The following PARN variants were observed in gnomAD, a reference collection of about 807,000 sequenced individuals.
The protein encoded by PARN is poly(A)-specific ribonuclease PARN.
A neutral mutation model predicts 102.8 loss-of-function variants in PARN; 71 were observed. That is an observed-to-expected ratio of 0.69 (90% CI 0.57 to 0.84). The LOEUF (loss-of-function observed/expected upper bound fraction) is 0.84, where lower values mean the gene tolerates loss of function less well. Ranked by LOEUF, PARN falls within the 40% of genes least tolerant of loss-of-function variation. The probability of loss-of-function intolerance (pLI) is 0.00; values close to 1 mark genes in which losing one functional copy is unlikely to be tolerated. For missense variants in PARN, 782 were observed against 760.9 expected (o/e 1.03, Z -0.33); for synonymous variants, 261 against 252.9 (o/e 1.03, Z -0.30).
chr16:14,472,796 G>A (rs1213137410), intron 22 of PARN, among the ~76,000 whole-genome samples: 2 of 152,110 alleles, frequency 1.3e-5, no homozygotes, highest in Non-Finnish European at 2.9e-5. Flanking sequence ...CACAAAAACC[G>A]CTGGGATGGC....
At chr16:14,629,016 A>T (rs1972856183) in intron 2 of PARN, among the ~76,000 whole-genome samples, 1 of 152,218 alleles carries the variant, frequency 6.6e-6, no homozygotes, top group African/African-American at 2.4e-5. Context: ...ATCTGCAAAA[A>T]CCTGACCCTA....
intron 21 of PARN, among the ~76,000 whole-genome samples, chr16:14,518,913 T>G (rs1334185756): frequency 1.3e-5 from 2 of 152,070 alleles, no homozygotes; most frequent in African/African-American, 4.8e-5. Flanking sequence ...ACAGGGAATG[T>G]TCCAGAAGCT....
chr16:14,454,908 T>C (rs1961612642), intron 22 of PARN, among the ~76,000 whole-genome samples: 1 of 152,198 alleles, frequency 6.6e-6, no homozygotes, highest in Non-Finnish European at 1.5e-5. Context: ...AAGTAAGATA[T>C]AATAATATAT....
At chr16:14,541,436 G>C (rs148669114) in intron 21 of PARN, among the ~76,000 whole-genome samples, 1 of 152,222 alleles carries the variant, frequency 6.6e-6, no homozygotes, top group African/African-American at 2.4e-5. Context: ...TGTAGTTTGA[G>C]TCTAACAAAG....
At chr16:14,618,095 G>A (rs757121502) in intron 5 of PARN, among the ~76,000 whole-genome samples, 1 of 152,148 alleles carries the variant, frequency 6.6e-6, no homozygotes. Context: ...GCAGAGGTGG[G>A]CACATCACTT....
chr16:14,567,436 TCATACCACTGTCCA>T (rs1261574786), intron 18 of PARN, among the ~76,000 whole-genome samples: 1 of 152,162 alleles, frequency 6.6e-6, no homozygotes, highest in Non-Finnish European at 1.5e-5. Flanking sequence ...ATATCAACAA[TCATACCACTGTCCA>T]CATGCAGCCA....
intron 22 of PARN, among the ~76,000 whole-genome samples, chr16:14,472,062 C>T (rs1312898348): frequency 1.3e-5 from 2 of 152,178 alleles, no homozygotes; most frequent in Non-Finnish European, 2.9e-5. Context: ...ACCTACTGGT[C>T]CAAGAGATGT....
At chr16:14,575,747 C>T (rs887263493) in intron 18 of PARN, among the ~76,000 whole-genome samples, 1 of 152,114 alleles carries the variant, frequency 6.6e-6, no homozygotes, top group African/African-American at 2.4e-5. Context: ...GTTTTGAATT[C>T]TGAGGACATG....
At chr16:14,480,291 G>C (rs75959130) in intron 22 of PARN, among the ~76,000 whole-genome samples, 321 of 152,260 alleles carry the variant, frequency 2.1e-3, no homozygotes, top group African/African-American at 6.8e-3. Flanking sequence ...TTGCACCACT[G>C]TACTCCAGCC....
At position 14,435,921 on chromosome 16, in the gene PARN, C is replaced by G. The variant is rs1303321727; in HGVS notation, c.*796G>C. On this transcript the variant is annotated 3_prime_UTR_variant, in exon 24 of 24. Transcript: ENST00000437198. Reference sequence around the variant, plus strand: ...TCACACACACACACACACACACACACACACACACACACACACACACACAGA... The same window carrying G: ...TCACACACACACACACACACACACAGACACACACACACACACACACACAGA... 3 of 152,114 alleles carry G rather than the reference C, an allele frequency of 2.0e-5. No homozygotes were observed. Among genetic ancestry groups the G allele is most frequent in the African/African-American group, 7.3e-5 (3 of 41,110 alleles). 9.4% of individuals were successfully genotyped at this position (152,114 alleles called of 1,614,324 possible).
At chr16:14,593,748 C>T (rs1222442517) in intron 12 of PARN, among the ~76,000 whole-genome samples, 2 of 151,972 alleles carry the variant, frequency 1.3e-5, no homozygotes, top group African/African-American at 2.4e-5. Flanking sequence ...TGTTATCCTA[C>T]CACTTTGGGA....
At chr16:14,602,472 G>C (rs1970931295) in intron 11 of PARN, among the ~76,000 whole-genome samples, 1 of 152,060 alleles carries the variant, frequency 6.6e-6, no homozygotes, top group Admixed American at 6.6e-5. Flanking sequence ...ATCCACCCTT[G>C]CATGTCCTAA....
intron 23 of PARN, among the ~76,000 whole-genome samples, chr16:14,438,689 C>A (rs1289360827): frequency 2.6e-5 from 4 of 152,170 alleles, no homozygotes; most frequent in African/African-American, 9.7e-5. Context: ...TTAATGAACG[C>A]TAGGTCTCTT....
In PARN at chr16:14,531,125, C is replaced by A. The variant is rs138975607; in HGVS notation, c.1480+20896G>T. 7.1e-4 allele frequency among the ~76,000 whole-genome samples: 108 copies of A among 152,242 alleles called. 1 individual carries two copies. The highest frequency in any genetic ancestry group is 6.0e-3 in the Admixed American group (92 of 15,298). On this transcript the variant is annotated intron_variant, in intron 21 of 23. Coordinates refer to ENST00000437198, the MANE Select transcript of PARN (RefSeq NM_002582.4). The stretch of plus-strand genomic sequence containing the variant: ...CAGCACTTTGGGAGGCTGAAGCAGG[C>A]AGATCACTTGGAGTTTGAGAACAGC...
intron 22 of PARN, among the ~76,000 whole-genome samples, chr16:14,473,543 C>A (rs1962869022): frequency 1.3e-5 from 2 of 152,050 alleles, no homozygotes; most frequent in African/African-American, 4.8e-5. Flanking sequence ...AGCTATAGAA[C>A]CTAGAGCAAA....
chr16:14,562,864 A>G (rs1203661516), intron 18 of PARN, among the ~76,000 whole-genome samples: 1 of 152,182 alleles, frequency 6.6e-6, no homozygotes, highest in East Asian at 1.9e-4. Flanking sequence ...CTTCAGACAC[A>G]GATTATGTTA....
chr16:14,521,570 G>A (rs936803505), intron 21 of PARN, among the ~76,000 whole-genome samples: 4 of 152,158 alleles, frequency 2.6e-5, no homozygotes, highest in African/African-American at 9.7e-5. Context: ...AGGCTGCGGC[G>A]GGCGGATCAC....
At chr16:14,611,998 A>G (rs1472472110) in intron 6 of PARN, among the ~76,000 whole-genome samples, 1 of 152,246 alleles carries the variant, frequency 6.6e-6, no homozygotes, top group Non-Finnish European at 1.5e-5. Context: ...AATCTTATTT[A>G]CAAAACAAGG....
At chr16:14,522,289 A>G (rs1965777599) in intron 21 of PARN, among the ~76,000 whole-genome samples, 1 of 152,250 alleles carries the variant, frequency 6.6e-6, no homozygotes, top group Non-Finnish European at 1.5e-5. Context: ...GGCTGAGCTA[A>G]GGTAGAGCCT....
Sources: allele counts gnomAD v4.1 joint callset (sites outside exome capture counted in the v4.1 genomes callset), GRCh38; gene constraint gnomAD v4.1.1; transcripts MANE v1.5; gene names NCBI Gene and HGNC (gene_info 2026-07-23, HGNC 2026-07-21).